Variants in MRRF observed in about 807,000 individuals in gnomAD.
The protein encoded by MRRF is mitochondrial ribosome recycling factor, also known as ribosome-recycling factor, mitochondrial.
MRRF carries 18 observed loss-of-function variants against 25.1 expected under a neutral mutation model. The ratio of observed to expected loss-of-function variants is 0.72; its 90% CI spans 0.50 to 1.06. MRRF has a LOEUF of 1.06. Ranked by LOEUF, MRRF falls within the 50% of genes least tolerant of loss-of-function variation. The pLI is 0.00. For synonymous variants in MRRF, 113 were observed against 112.1 expected (o/e 1.01, Z -0.05); for missense variants, 323 against 319.3 (o/e 1.01, Z -0.09).
intron 6 of MRRF, among the ~76,000 whole-genome samples, chr9:122,321,377 A>G (rs1031054438): frequency 1.3e-5 from 2 of 152,202 alleles, no homozygotes; most frequent in African/African-American, 2.4e-5. Flanking sequence ...TTTAATGACT[A>G]TATGTATTCA....
At chr9:122,313,697 C>G (rs996624446) in intron 6 of MRRF, among the ~76,000 whole-genome samples, 2 of 152,084 alleles carry the variant, frequency 1.3e-5, no homozygotes, top group African/African-American at 4.8e-5. Flanking sequence ...ATAACTTGCC[C>G]GAAATCACAC....
chr9:122,292,540 A>G (rs138573118), intron 5 of MRRF, among the ~76,000 whole-genome samples: 1,645 of 152,290 alleles, frequency 0.011, 17 homozygotes, highest in Non-Finnish European at 0.016. Context: ...CTTTTTGAGA[A>G]AGAAAAAAGC....
At chr9:122,267,295 C>T (rs190995180) in intron 1 of MRRF, among the ~76,000 whole-genome samples, 1 of 150,700 alleles carries the variant, frequency 6.6e-6, no homozygotes, top group African/African-American at 2.4e-5. Flanking sequence ...GCAGGAGAAT[C>T]CCCTGAACCT....
chr9:122,301,874 C>T (rs926076526), intron 5 of MRRF, among the ~76,000 whole-genome samples: 2 of 151,824 alleles, frequency 1.3e-5, no homozygotes, highest in Non-Finnish European at 2.9e-5. Context: ...GCTGGGACTA[C>T]AGACATGCAC....
In MRRF at chr9:122,304,062, A is replaced by AACACACACACACAC. The variant is rs66775611; in HGVS notation, c.552-9140_552-9127dup. Among the ~76,000 whole-genome samples, 203 of 139,878 alleles carry AACACACACACACAC rather than the reference A, an allele frequency of 1.5e-3. 2 individuals carry two copies. Among genetic ancestry groups the AACACACACACACAC allele is most frequent in the Middle Eastern group, 0.011 (3 of 266 alleles). 91.8% of individuals were successfully genotyped at this position (139,878 alleles called of 152,430 possible). A position where few individuals can be genotyped will look rare whatever the true frequency, so the allele number is the denominator to read the frequency against. On this transcript the variant is annotated intron_variant, in intron 5 of 6. Coordinates refer to ENST00000344641, the MANE Select transcript of MRRF (RefSeq NM_138777.5). ...GGAAATACTGGTAATACCCTTTTCT[A>AACACACACACACAC]ACACACACACACACACACACACACA...
intron 5 of MRRF, among the ~76,000 whole-genome samples, chr9:122,293,472 G>T (rs766274284): frequency 5.3e-5 from 8 of 152,142 alleles, no homozygotes; most frequent in Non-Finnish European, 8.8e-5. Context: ...ATCCCAACAC[G>T]GGAGTCCAGA....
At chr9:122,316,279 G>A (rs567599204) in intron 6 of MRRF, among the ~76,000 whole-genome samples, 128 of 152,154 alleles carry the variant, frequency 8.4e-4, no homozygotes, top group African/African-American at 2.9e-3. Context: ...GGGTTCAAGC[G>A]ATTCTCCTGC....
intron 6 of MRRF, among the ~76,000 whole-genome samples, chr9:122,318,996 A>G (rs1454808417): frequency 1.3e-5 from 2 of 152,072 alleles, no homozygotes; most frequent in Non-Finnish European, 2.9e-5. Flanking sequence ...TTGGATTGAC[A>G]CTTAATGTCC....
intron 5 of MRRF, 129 bp downstream of exon 5, chr9:122,291,969 A>G: frequency 1.3e-6 from 1 of 747,838 alleles, no homozygotes; most frequent in South Asian, 1.4e-5. Context: ...CCTGGCAAAC[A>G]TCTTTTGAGA....
intron 1 of MRRF, among the ~76,000 whole-genome samples, chr9:122,269,182 A>G (rs917648183): frequency 2.6e-5 from 4 of 151,680 alleles, no homozygotes; most frequent in African/African-American, 9.7e-5. Context: ...AAAAAAAATA[A>G]TAATAATAAT....
intron 3 of MRRF, among the ~76,000 whole-genome samples, chr9:122,281,227 T>C (rs1833077398): frequency 6.6e-6 from 1 of 152,216 alleles, no homozygotes; most frequent in African/African-American, 2.4e-5. Context: ...GCAGATGTGA[T>C]GGAGAAGTGA....
At chr9:122,310,236 G>C (rs1471683200) in intron 5 of MRRF, among the ~76,000 whole-genome samples, 1 of 152,188 alleles carries the variant, frequency 6.6e-6, no homozygotes, top group Non-Finnish European at 1.5e-5. Context: ...AAGTGGGGTC[G>C]GATCTGAGTT....
intron 5 of MRRF, among the ~76,000 whole-genome samples, chr9:122,294,154 G>A (rs1190439448): frequency 6.6e-6 from 1 of 152,184 alleles, no homozygotes; most frequent in Non-Finnish European, 1.5e-5. Flanking sequence ...TCAGATGAAG[G>A]GGTTGTTCTT....
rs946583709 is a variant in MRRF, at chr9:122,324,204, C to G, written c.*1587C>G. 2 of 152,216 alleles carry G rather than the reference C, an allele frequency of 1.3e-5. No homozygotes were observed. Among genetic ancestry groups the G allele is most frequent in the African/African-American group, 4.8e-5 (2 of 41,446 alleles). The allele number at this position is 152,216 out of a possible 1,614,324, so 9.4% of individuals were successfully genotyped here. Reference sequence around the variant, plus strand: ...CAGTCATGAGTCTGGGCCACCCATACTCCTGACTGACCAACTACAAACTAG... The same window carrying G: ...CAGTCATGAGTCTGGGCCACCCATAGTCCTGACTGACCAACTACAAACTAG... On this transcript the variant is annotated 3_prime_UTR_variant, in exon 7 of 7. Transcript: ENST00000344641.
At chr9:122,273,654 A>G (rs1439396467) in intron 2 of MRRF, among the ~76,000 whole-genome samples, 2 of 152,148 alleles carry the variant, frequency 1.3e-5, no homozygotes, top group Non-Finnish European at 1.5e-5. Context: ...ACCCAAATCA[A>G]TAAATAGACT....
intron 5 of MRRF, among the ~76,000 whole-genome samples, chr9:122,300,498 A>G (rs903880804): frequency 6.6e-6 from 1 of 152,228 alleles, no homozygotes; most frequent in African/African-American, 2.4e-5. Context: ...CTGGCATATC[A>G]TAGGTACTTA....
At chr9:122,312,444 A>G (rs1335112298) in intron 5 of MRRF, among the ~76,000 whole-genome samples, 2 of 152,200 alleles carry the variant, frequency 1.3e-5, no homozygotes, top group African/African-American at 4.8e-5. Flanking sequence ...CAGCAGAGAA[A>G]ATGTAAGGTA....
intron 6 of MRRF, among the ~76,000 whole-genome samples, 177 bp from the exon 7 acceptor site, chr9:122,322,363 A>G (rs531920959): frequency 1.4e-5 from 2 of 145,262 alleles, no homozygotes; most frequent in Non-Finnish European, 3.0e-5. Flanking sequence ...ACTTTGTCTC[A>G]AAAAAAAAAA....
intron 2 of MRRF, among the ~76,000 whole-genome samples, chr9:122,278,877 G>A (rs1832932405): frequency 6.6e-6 from 1 of 151,920 alleles, no homozygotes; most frequent in African/African-American, 2.4e-5. Flanking sequence ...TCAATCCGAA[G>A]ATCCACATCT....
Sources: allele counts gnomAD v4.1 joint callset (sites outside exome capture counted in the v4.1 genomes callset), GRCh38; gene constraint gnomAD v4.1.1; transcripts MANE v1.5; gene names NCBI Gene and HGNC (gene_info 2026-07-23, HGNC 2026-07-21).